The following ERO1B variants were observed in gnomAD, a reference collection of about 807,000 sequenced individuals.
ERO1B encodes ERO1-like protein beta.
In ERO1B, 49 loss-of-function variants were observed where a neutral mutation model predicts 75.3. The observed-to-expected ratio is 0.65, with a 90% CI of 0.52 to 0.83. The LOEUF (loss-of-function observed/expected upper bound fraction) is 0.83, where lower values mean the gene tolerates loss of function less well. Among genes scored for constraint, ERO1B ranks in the 40% least tolerant of loss-of-function variants. The pLI is 0.00. For missense variants in ERO1B, 512 were observed against 560.1 expected (o/e 0.91, Z 0.87); for synonymous variants, 191 against 192.9 (o/e 0.99, Z 0.08).
intron 6 of ERO1B, among the ~76,000 whole-genome samples, chr1:236,240,438 C>A (rs1664672323): frequency 6.6e-6 from 1 of 152,088 alleles, no homozygotes; most frequent in African/African-American, 2.4e-5. Flanking sequence ...TAAAGCCCTC[C>A]ATCACCAACC....
chr1:236,265,126 A>G (rs1665406064), intron 2 of ERO1B, among the ~76,000 whole-genome samples: 1 of 151,724 alleles, frequency 6.6e-6, no homozygotes, highest in Non-Finnish European at 1.5e-5. Flanking sequence ...TAGTATATCC[A>G]ACAGTTAATG....
chr1:236,229,090 T>C (rs977892187), intron 10 of ERO1B, among the ~76,000 whole-genome samples: 1 of 152,168 alleles, frequency 6.6e-6, no homozygotes, highest in Non-Finnish European at 1.5e-5. Context: ...ATCAATAATG[T>C]TCACCTTAAT....
chr1:236,272,082 G>C lies in ERO1B; in HGVS notation c.103-2088C>G, dbSNP rs566065694. On this transcript the variant is annotated intron_variant, in intron 1 of 15. Transcript: ENST00000354619. ...GATGTTGGCAAGGATGTGGAAAAAA[G>C]GGAATGCTTATACACTGTTAGTGGG... 1.9e-3 allele frequency among the ~76,000 whole-genome samples: 283 copies of C among 152,184 alleles called. 1 individual carries two copies. Among genetic ancestry groups the C allele is most frequent in the African/African-American group, 6.4e-3 (264 of 41,518 alleles).
At chr1:236,227,734 A>G (rs868127451) in intron 10 of ERO1B, among the ~76,000 whole-genome samples, 1 of 152,014 alleles carries the variant, frequency 6.6e-6, no homozygotes, top group Admixed American at 6.5e-5. Context: ...GTCTATTAAG[A>G]TTTTCCAGCA....
At chr1:236,237,213 A>G (rs764006789) in intron 6 of ERO1B, among the ~76,000 whole-genome samples, 4 of 135,962 alleles carry the variant, frequency 2.9e-5, no homozygotes, top group Admixed American at 2.6e-4. Flanking sequence ...TCCGCCTCCC[A>G]GGTTCAAGCG....
rs144747331 is a variant in ERO1B, at chr1:236,250,642, A to G, written c.349-675T>C. On this transcript the variant is annotated intron_variant, in intron 4 of 15. Coordinates refer to ENST00000354619, the MANE Select transcript of ERO1B (RefSeq NM_019891.4). ...ATCAAACGTGTGTGTGCAAACATAT[A>G]TATATATATGGTCAAATTTAGTTCT... is the stretch of plus-strand genomic sequence containing the variant. Among the ~76,000 whole-genome samples the G allele has an allele frequency of 4.8e-3, 700 of 144,898 alleles. 6 individuals carry two copies. Among genetic ancestry groups the G allele is most frequent in the Middle Eastern group, 0.025 (7 of 282 alleles).
rs550481159 is a variant in ERO1B, at chr1:236,231,251, A to G, written c.686-1001T>C. On this transcript the variant is annotated intron_variant, in intron 9 of 15. Transcript: ENST00000354619. Reference sequence around the variant, plus strand: ...ACAGAAGGGCTTGACTAATCTGTGTACTAATGCTGAAGAACATTCCTGGGG... The same window carrying G: ...ACAGAAGGGCTTGACTAATCTGTGTGCTAATGCTGAAGAACATTCCTGGGG... 9.8e-5 allele frequency among the ~76,000 whole-genome samples: 15 copies of G among 152,324 alleles called. No individual in the cohort carries two copies. The South Asian group carries it at 2.9e-3, about 30-fold the overall frequency.
In ERO1B at chr1:236,220,821, A is replaced by G. The variant is rs1242639871; in HGVS notation, c.1343+11T>C. 6 of 1,561,206 alleles carry G rather than the reference A, an allele frequency of 3.8e-6. No individual in the cohort carries two copies. The highest frequency in any genetic ancestry group is 3.4e-6 in the Non-Finnish European group (4 of 1,161,044). ...GGAAATCAAAAATCTTCAACATATA[A>G]TGGTTCTTACCTTCCAAAAGCATTT... On this transcript the variant is annotated intron_variant, in intron 15 of 15. Transcript: ENST00000354619.
At chr1:236,267,101 A>G (rs2764570) in intron 2 of ERO1B, among the ~76,000 whole-genome samples, 150,844 of 152,340 alleles carry the variant, frequency 0.99, 74,705 homozygotes, top group Middle Eastern at 1. Flanking sequence ...TTGGTCCAAC[A>G]GGTCATATGA....
rs555262280 is a variant in ERO1B, at chr1:236,216,138, T to C, written c.*2378A>G. On this transcript the variant is annotated 3_prime_UTR_variant, in exon 16 of 16. Coordinates refer to ENST00000354619, the MANE Select transcript of ERO1B (RefSeq NM_019891.4). ...TTAAGTAAAAAATAAACTTACGCCATTGAAGGAAGGAATATTTTCCTTTTC... is the reference window on the plus strand; with the variant it reads ...TTAAGTAAAAAATAAACTTACGCCACTGAAGGAAGGAATATTTTCCTTTTC... 1.8e-4 allele frequency: 28 copies of C among 152,260 alleles called. No individual in the cohort carries two copies. Among genetic ancestry groups the C allele is most frequent in the African/African-American group, 6.7e-4 (28 of 41,566 alleles). The allele number at this position is 152,260 out of a possible 1,614,324, so 9.4% of individuals were successfully genotyped here. A position where few individuals can be genotyped will look rare whatever the true frequency, so the allele number is the denominator to read the frequency against.
At chr1:236,254,068 G>A (rs1308012130) in intron 2 of ERO1B, among the ~76,000 whole-genome samples, 1 of 152,172 alleles carries the variant, frequency 6.6e-6, no homozygotes, top group African/African-American at 2.4e-5. Flanking sequence ...GGGCAGTTGT[G>A]TGAACTAAAA....
At chr1:236,279,754 C>A (rs1665788471) in intron 1 of ERO1B, among the ~76,000 whole-genome samples, 1 of 148,058 alleles carries the variant, frequency 6.8e-6, no homozygotes, top group African/African-American at 2.5e-5. Flanking sequence ...CTGAGGCAGA[C>A]AGAATTGCTT....
At chr1:236,239,909 A>ATTTTTTTTTT (rs1345692165) in intron 6 of ERO1B, among the ~76,000 whole-genome samples, 2 of 106,960 alleles carry the variant, frequency 1.9e-5, no homozygotes, top group African/African-American at 6.9e-5. Context: ...ATATATATAT[A>ATTTTTTTTTT]TATTTTTTTT....
chr1:236,242,714 TAAC>T (rs1217751609), intron 6 of ERO1B, among the ~76,000 whole-genome samples: 1 of 151,950 alleles, frequency 6.6e-6, no homozygotes, highest in African/African-American at 2.4e-5. Context: ...GTGAAAAATA[TAAC>T]AATACCAAGG....
chr1:236,254,867 C>T (rs1183746110), intron 2 of ERO1B, among the ~76,000 whole-genome samples: 1 of 151,946 alleles, frequency 6.6e-6, no homozygotes, highest in African/African-American at 2.4e-5. Flanking sequence ...CCTGCCTTGG[C>T]CTCCCAAAGT....
chr1:236,216,261 G>T lies in ERO1B; in HGVS notation c.*2255C>A, dbSNP rs545029185. On this transcript the variant is annotated 3_prime_UTR_variant, in exon 16 of 16. Transcript: ENST00000354619. ...TTAGGTGATGAGATAAAGACAAAAT[G>T]CCAGAGCACCAGCAAAGCATTTTTA... The T allele has an allele frequency of 1.5e-4, 23 of 152,210 alleles. No homozygotes were observed. Among genetic ancestry groups the T allele is most frequent in the Admixed American group, 4.6e-4 (7 of 15,276 alleles). 9.4% of individuals were successfully genotyped at this position (152,210 alleles called of 1,614,324 possible).
chr1:236,258,202 G>A (rs1665209986), intron 2 of ERO1B, among the ~76,000 whole-genome samples: 2 of 140,974 alleles, frequency 1.4e-5, no homozygotes, highest in African/African-American at 5.3e-5. Flanking sequence ...AACTTGATAG[G>A]AGGAATCCGA....
Position 236,230,934 on chromosome 1 carries a change from A to T in ERO1B, c.686-684T>A, listed in dbSNP as rs1386774311. Among the ~76,000 whole-genome samples the T allele has an allele frequency of 7.1e-3, 944 of 132,424 alleles. 4 individuals carry two copies. The highest frequency in any genetic ancestry group is 0.01 in the Non-Finnish European group (662 of 64,780). The allele number at this position is 132,424 out of a possible 152,430, so 86.9% of individuals were successfully genotyped here. A position where few individuals can be genotyped will look rare whatever the true frequency, so the allele number is the denominator to read the frequency against. ...ACATAGCAAGATCCTGCCTCTTTTA[A>T]AAAAAAAAAGTATATAAATCTTATT... On this transcript the variant is annotated intron_variant, in intron 9 of 15. Transcript: ENST00000354619.
intron 2 of ERO1B, among the ~76,000 whole-genome samples, chr1:236,266,558 C>G (rs1008821711): frequency 5.3e-5 from 8 of 151,504 alleles, no homozygotes; most frequent in African/African-American, 1.9e-4. Context: ...GAACCAAGAT[C>G]GTACCACTGC....
Sources: gnomAD v4.1 joint callset for allele counts (sites outside exome capture counted in the v4.1 genomes callset) on GRCh38, gnomAD v4.1.1 for gene constraint, MANE v1.5 for transcripts, NCBI Gene and HGNC (gene_info 2026-07-23, HGNC 2026-07-21) for gene names.